EMP1: variants seen among roughly 807,000 people sequenced by gnomAD.
The protein encoded by EMP1 is tumor-associated membrane protein.
Under a neutral mutation model 15.7 loss-of-function variants are expected in EMP1, and 5 were observed. The observed-to-expected ratio is 0.32, with a 90% CI of 0.17 to 0.67. The LOEUF (loss-of-function observed/expected upper bound fraction) is 0.67. EMP1 is among the 30% of genes least tolerant of loss of function. EMP1 has a pLI of 0.74. For missense variants in EMP1, 166 were observed against 194.2 expected (o/e 0.85, Z 0.86); for synonymous variants, 78 against 76.7 (o/e 1.02, Z -0.09).
chr12:13,206,798 G>A (rs1246301683), intron 1 of EMP1, among the ~76,000 whole-genome samples: 2 of 152,138 alleles, frequency 1.3e-5, no homozygotes, highest in African/African-American at 2.4e-5. Flanking sequence ...ACCAGAAAAG[G>A]AAAGGCTCCC....
In EMP1 at chr12:13,219,617, T is replaced by C. The variant is rs1052943919; in HGVS notation, c.*4926T>C. 3 of 152,242 alleles carry C rather than the reference T, an allele frequency of 2.0e-5. No homozygotes were observed. Among genetic ancestry groups the C allele is most frequent in the Non-Finnish European group, 2.9e-5 (2 of 68,050 alleles). 9.4% of individuals were successfully genotyped at this position (152,242 alleles called of 1,614,324 possible). On this transcript the variant is annotated 3_prime_UTR_variant, in exon 5 of 5. Transcript: ENST00000256951. ...GACATACTTGAGACTCGGTAATTTA[T>C]ATAGAAAAGAGGTTTAATTGACAAA...
At chr12:13,197,681 G>C (rs1008671628) in intron 1 of EMP1, among the ~76,000 whole-genome samples, 2 of 152,086 alleles carry the variant, frequency 1.3e-5, no homozygotes, top group Non-Finnish European at 2.9e-5. Flanking sequence ...AGGCTGAGAC[G>C]GGAGAATTGC....
intron 4 of EMP1, 170 bp from the exon 5 acceptor site, chr12:13,214,364 C>CG: frequency 1.2e-6 from 1 of 836,478 alleles, no homozygotes; most frequent in Non-Finnish European, 1.8e-6. Context: ...ATCAACATAC[C>CG]GTCGAGCTTG....
At chr12:13,212,174 A>T (rs1864170475) in intron 2 of EMP1, among the ~76,000 whole-genome samples, 1 of 152,170 alleles carries the variant, frequency 6.6e-6, no homozygotes, top group Admixed American at 6.5e-5. Context: ...TGCAAGATTA[A>T]CCCAGTGCCA....
In EMP1 at chr12:13,216,440, G is replaced by A. The variant is rs759937345; in HGVS notation, c.*1749G>A. ...AGAGATTGGCCAGCAAAAACTGTGG[G>A]AAGATGAACTTTGTCATTATGATTT... On this transcript the variant is annotated 3_prime_UTR_variant, in exon 5 of 5. Coordinates refer to ENST00000256951, the MANE Select transcript of EMP1 (RefSeq NM_001423.3). 1.4e-6 allele frequency: 1 copy of A among 702,528 alleles called. No individual in the cohort carries two copies. Among genetic ancestry groups the A allele is most frequent in the South Asian group, 1.5e-5 (1 of 67,562 alleles). The allele number at this position is 702,528 out of a possible 1,614,324, so 43.5% of individuals were successfully genotyped here.
At chr12:13,201,402 T>A (rs939519213) in intron 1 of EMP1, among the ~76,000 whole-genome samples, 1 of 150,516 alleles carries the variant, frequency 6.6e-6, no homozygotes, top group African/African-American at 2.4e-5. Flanking sequence ...AACAACACCC[T>A]GTCTCAAAAA....
At chr12:13,197,842 G>T (rs1018984283) in intron 1 of EMP1, among the ~76,000 whole-genome samples, 1 of 151,988 alleles carries the variant, frequency 6.6e-6, no homozygotes, top group African/African-American at 2.4e-5. Context: ...AAGAGAGGGA[G>T]GCAAATGGTG....
chr12:13,214,329 A>G (rs1473014667), intron 4 of EMP1: 8 of 676,286 alleles, frequency 1.2e-5, no homozygotes, highest in East Asian at 2.8e-5. Flanking sequence ...CAGTGCAGAC[A>G]TGAGAGCCCA....
rs1565580008 is a variant in EMP1 at position 13,213,805 on chromosome 12, C to T, written c.300C>T (p.Ala100=). Reference sequence around the variant, plus strand: ...GAAACCGGTTCTTCCTCTCAGGGGCCACCACACTGGTGTGCTGTGAGTATC... The same window carrying T: ...GAAACCGGTTCTTCCTCTCAGGGGCTACCACACTGGTGTGCTGTGAGTATC... ...EKGNRFFLSG[A]TTLVCWLCIL... is the part of the protein sequence containing the mutation. Residue 100 remains alanine (A), a synonymous_variant, in exon 4 of 5, where the codon GCC becomes GCT. Coordinates refer to ENST00000256951, the MANE Select transcript of EMP1 (RefSeq NM_001423.3). 2 of 1,614,048 alleles carry T rather than the reference C, an allele frequency of 1.2e-6. No individual in the cohort carries two copies. The highest frequency in any genetic ancestry group is 1.7e-6 in the Non-Finnish European group (2 of 1,180,034).
intron 1 of EMP1, among the ~76,000 whole-genome samples, chr12:13,198,169 T>A (rs1007785032): frequency 8.5e-5 from 13 of 152,248 alleles, no homozygotes; most frequent in African/African-American, 3.1e-4. Context: ...AATGCTTATC[T>A]TTTCTCTTGT....
At chr12:13,199,988 G>T in intron 1 of EMP1, among the ~76,000 whole-genome samples, 2 of 137,924 alleles carry the variant, frequency 1.5e-5, no homozygotes, top group Admixed American at 7.6e-5. Context: ...TTTTGCCTAA[G>T]GCTCAGAAGG....
In EMP1 at chr12:13,211,082, G is replaced by C. The variant is rs1419249464; in HGVS notation, c.-42-387G>C. 3.3e-5 allele frequency among the ~76,000 whole-genome samples: 5 copies of C among 152,286 alleles called. No individual in the cohort carries two copies. The highest frequency in any genetic ancestry group is 9.6e-5 in the African/African-American group (4 of 41,550). On this transcript the variant is annotated intron_variant, in intron 1 of 4. Coordinates refer to ENST00000256951, the MANE Select transcript of EMP1 (RefSeq NM_001423.3). This position sits in a 1 kb window ranked among gnomAD's most constrained non-coding sequence, Gnocchi z 4.7. ...ATGGACATTTATATGACATTGTTCAGAGACCTGGAAATTATAAAGGCCTAC... is the reference window on the plus strand; with the variant it reads ...ATGGACATTTATATGACATTGTTCACAGACCTGGAAATTATAAAGGCCTAC...
In EMP1 at chr12:13,215,546, T is replaced by C. The variant is rs1321763771; in HGVS notation, c.*855T>C. On this transcript the variant is annotated 3_prime_UTR_variant, in exon 5 of 5. Transcript: ENST00000256951. ...GTCTTGCAACAGTGCCATGTTAGGG[T>C]TATGTTTTTAGGATTCCCCTCAATG... 1 of 152,162 alleles carries C rather than the reference T, an allele frequency of 6.6e-6. No individual in the cohort carries two copies. The highest frequency in any genetic ancestry group is 2.4e-5 in the African/African-American group (1 of 41,426). 9.4% of individuals were successfully genotyped at this position (152,162 alleles called of 1,614,324 possible). A position where few individuals can be genotyped will look rare whatever the true frequency, so the allele number is the denominator to read the frequency against.
At chr12:13,200,945 C>A (rs941081867) in intron 1 of EMP1, among the ~76,000 whole-genome samples, 4 of 152,144 alleles carry the variant, frequency 2.6e-5, no homozygotes, top group Admixed American at 6.5e-5. Flanking sequence ...ACTAGAGAGC[C>A]CTTTCAGCAC....
intron 2 of EMP1, among the ~76,000 whole-genome samples, chr12:13,212,633 G>A (rs916943450): frequency 3.3e-5 from 5 of 152,242 alleles, no homozygotes; most frequent in Admixed American, 6.5e-5. Flanking sequence ...AAAGCGCTGC[G>A]TATCTGTGAA....
intron 2 of EMP1, among the ~76,000 whole-genome samples, chr12:13,212,938 T>C (rs1565579678): frequency 6.6e-6 from 1 of 152,268 alleles, no homozygotes; most frequent in Admixed American, 6.5e-5. Flanking sequence ...CAAATTACTT[T>C]GCATGTTGTG....
chr12:13,209,391 GAC>G (rs1203070657), intron 1 of EMP1: 1 of 152,114 alleles, frequency 6.6e-6, no homozygotes, highest in Admixed American at 6.5e-5. Context: ...TTAGACAAAT[GAC>G]AATTTCTAAG....
rs1306441806 is a variant in EMP1 at position 13,211,353 on chromosome 12, A to G, written c.-42-116A>G. On this transcript the variant is annotated intron_variant, in intron 1 of 4. Coordinates refer to ENST00000256951, the MANE Select transcript of EMP1 (RefSeq NM_001423.3). The surrounding 1 kb of genome is among the most constrained non-coding windows in gnomAD (Gnocchi z 4.7). ...TTCAGGAATTTATGATTAGATTGTG[A>G]TGGTTTTTAGTGCAGCTCTTCCTCA... The G allele has an allele frequency of 1.4e-6, 1 of 723,662 alleles. No homozygotes were observed. Among genetic ancestry groups the G allele is most frequent in the Non-Finnish European group, 2.4e-6 (1 of 420,832 alleles). 44.8% of individuals were successfully genotyped at this position (723,662 alleles called of 1,614,324 possible).
intron 1 of EMP1, among the ~76,000 whole-genome samples, chr12:13,205,292 T>C (rs1350327633): frequency 6.6e-6 from 1 of 152,240 alleles, no homozygotes; most frequent in African/African-American, 2.4e-5. Context: ...TGCATTCACT[T>C]ATTTCCTCTT....
Sources: allele counts gnomAD v4.1 joint callset (sites outside exome capture counted in the v4.1 genomes callset), GRCh38; gene constraint gnomAD v4.1.1; non-coding constraint Gnocchi (gnomAD v3.1); transcripts MANE v1.5; gene names NCBI Gene and HGNC (gene_info 2026-07-23, HGNC 2026-07-21).